DENND2B: variants seen among roughly 807,000 people sequenced by gnomAD.
DENND2B encodes DENN domain-containing protein 2B.
A neutral mutation model predicts 116.0 loss-of-function variants in DENND2B; 32 were observed. The ratio of observed to expected loss-of-function variants is 0.28; its 90% CI spans 0.21 to 0.37. The LOEUF (loss-of-function observed/expected upper bound fraction) is 0.37. Ranked by LOEUF, DENND2B falls within the 10% of genes least tolerant of loss-of-function variation. The pLI is 1.00. For synonymous variants in DENND2B, 588 were observed against 583.9 expected, an observed-to-expected ratio of 1.01 and a Z score of -0.10; for missense variants, 1,276 against 1,477.7, an observed-to-expected ratio of 0.86 and a Z score of 2.24.
At chr11:8,807,202 T>C (rs1191674950) in intron 1 of DENND2B, among the ~76,000 whole-genome samples, 1 of 152,214 alleles carries the variant, frequency 6.6e-6, no homozygotes, top group Non-Finnish European at 1.5e-5. Flanking sequence ...TGGGGACGTT[T>C]CCAGGGCAAT....
In DENND2B at chr11:8,841,504, T is replaced by C. The variant is rs534196537; in HGVS notation, c.-155-2154A>G. On this transcript the variant is annotated intron_variant, in intron 3 of 6. Coordinates refer to the DENND2B transcript ENST00000524757. Reference sequence around the variant, plus strand: ...AAAAATCTAAATATTTAAAAAACTATCCAGGCATGGTGGCACACACCTGTA... The same window carrying C: ...AAAAATCTAAATATTTAAAAAACTACCCAGGCATGGTGGCACACACCTGTA... Among the ~76,000 whole-genome samples, 51 of 152,106 alleles carry C rather than the reference T, an allele frequency of 3.4e-4. 1 individual carries two copies. Among genetic ancestry groups the C allele is most frequent in the African/African-American group, 9.9e-4 (41 of 41,510 alleles).
At position 8,846,309 on chromosome 11, in the gene DENND2B, G is replaced by T. The variant is rs1461611502; in HGVS notation, c.-155-6959C>A. 2.0e-5 allele frequency among the ~76,000 whole-genome samples: 3 copies of T among 152,188 alleles called. No individual in the cohort carries two copies. In the South Asian group the frequency reaches 6.2e-4, roughly 32 times the overall value. On this transcript the variant is annotated intron_variant, in intron 3 of 6. Transcript: ENST00000524757. ...GTATGAAGGAATAAATACTCAAGAA[G>T]CTGGTAAGGCTGGTGACATTGGAAG... is the stretch of plus-strand genomic sequence containing the variant.
chr11:8,743,753 CTT>C (rs1166521176), intron 2 of DENND2B, among the ~76,000 whole-genome samples: 1 of 144,280 alleles, frequency 6.9e-6, no homozygotes, highest in Non-Finnish European at 1.5e-5. Context: ...TTATCTCTTC[CTT>C]TTTTTTTTTT....
intron 7 of DENND2B, 144 bp from the exon 8 acceptor site, chr11:8,714,186 A>G: frequency 1.2e-6 from 1 of 817,508 alleles, no homozygotes; most frequent in South Asian, 1.5e-5. Flanking sequence ...ATCTGCAGGC[A>G]GGGAGCTGAG....
At chr11:8,903,528 T>A (rs1254722542) in intron 1 of DENND2B, among the ~76,000 whole-genome samples, 2 of 144,266 alleles carry the variant, frequency 1.4e-5, no homozygotes, top group African/African-American at 5.1e-5. Flanking sequence ...CATAATCAGA[T>A]CTTAAAGAAA....
rs541363841 is a variant in DENND2B, at chr11:8,736,001, C to T, written c.81-4792G>A. On this transcript the variant is annotated intron_variant, in intron 2 of 19. Coordinates refer to ENST00000313726, the MANE Select transcript of DENND2B (RefSeq NM_213618.2). ...TCCCCTGTTGGACAAGAGGAGACCA[C>T]GGCCAAGAGAAGGGCAGGGCCTGCC... 2.1e-3 allele frequency among the ~76,000 whole-genome samples: 321 copies of T among 152,296 alleles called. 2 individuals are homozygous for T. Among genetic ancestry groups the T allele is most frequent in the Non-Finnish European group, 3.1e-3 (208 of 68,018 alleles).
chr11:8,796,700 GT>G (rs1444764679), intron 1 of DENND2B, among the ~76,000 whole-genome samples: 1 of 151,772 alleles, frequency 6.6e-6, no homozygotes, highest in Non-Finnish European at 1.5e-5. Flanking sequence ...ACAAACACTA[GT>G]TTACTGACAA....
rs150492405 is a variant in DENND2B, at chr11:8,902,379, T to A, written c.-256+8442A>T. On this transcript the variant is annotated intron_variant, in intron 1 of 22. Transcript: ENST00000534127. ...GAAGTCCCCAACTACCACTGTTGAA[T>A]TGTCTATTTCTTGCTTGAATTTTGT... is the stretch of plus-strand genomic sequence containing the variant. Among the ~76,000 whole-genome samples, 3 of 152,180 alleles carry A rather than the reference T, an allele frequency of 2.0e-5. No homozygotes were observed. In the Middle Eastern group the frequency reaches 0.01, roughly 518 times the overall value.
At chr11:8,891,415 T>C (rs1052823796) in intron 1 of DENND2B, among the ~76,000 whole-genome samples, 1 of 152,208 alleles carries the variant, frequency 6.6e-6, no homozygotes, top group African/African-American at 2.4e-5. Context: ...GTAAATGGGC[T>C]AAATGTGCCA....
chr11:8,824,132 G>A (rs187121114), intron 4 of DENND2B, among the ~76,000 whole-genome samples: 237 of 151,934 alleles, frequency 1.6e-3, no homozygotes, highest in African/African-American at 5.2e-3. Flanking sequence ...TCGATCTCCT[G>A]ACCTTGTGAT....
At chr11:8,837,320 C>T (rs180890287) in intron 4 of DENND2B, among the ~76,000 whole-genome samples, 79 of 150,396 alleles carry the variant, frequency 5.3e-4, no homozygotes, top group African/African-American at 1.9e-3. Flanking sequence ...CTCTCAGGAA[C>T]ACCAAGAGGA....
Position 8,729,993 on chromosome 11 carries a change from T to G in DENND2B, c.1297A>C (p.Arg433=), listed in dbSNP as rs1315064059. ...PSTPAPPVTR[R]PKKDMRGHRK... is the part of the protein sequence containing the mutation. ...TGACCACGCATGTCCTTCTTGGGTC[T>G]CCGGGTGACTGGCGGGGCTGGGGTG... Residue 433 remains arginine, a synonymous_variant, in exon 3 of 20, where the codon AGA becomes CGA. Transcript: ENST00000313726. 1 of 1,613,946 alleles carries G rather than the reference T, an allele frequency of 6.2e-7. No individual in the cohort carries two copies. The highest frequency in any genetic ancestry group is 8.5e-7 in the Non-Finnish European group (1 of 1,180,020).
upstream of DENND2B, among the ~76,000 whole-genome samples, chr11:8,814,430 T>C (rs2061500034): frequency 6.6e-6 from 1 of 152,144 alleles, no homozygotes. Flanking sequence ...TGCCCTTCCC[T>C]GTCTGTGCAT....
chr11:8,794,210 T>C (rs978319833), intron 1 of DENND2B, among the ~76,000 whole-genome samples: 8 of 152,210 alleles, frequency 5.3e-5, no homozygotes, highest in Admixed American at 2.6e-4. Context: ...AAACACAGTT[T>C]CAGTGTTACA....
At chr11:8,892,092 C>G (rs1442684408) in intron 1 of DENND2B, among the ~76,000 whole-genome samples, 1 of 152,180 alleles carries the variant, frequency 6.6e-6, no homozygotes, top group African/African-American at 2.4e-5. Context: ...GAAACTCACT[C>G]AAAACTGTTC....
chr11:8,910,261 C>T (rs1375195880), intron 1 of DENND2B, among the ~76,000 whole-genome samples: 1 of 151,412 alleles, frequency 6.6e-6, no homozygotes, highest in Non-Finnish European at 1.5e-5. Context: ...GCCTCAATCC[C>T]GAGCTGTTCC....
At chr11:8,713,634 C>T (rs909747717) in intron 8 of DENND2B, among the ~76,000 whole-genome samples, 10 of 152,164 alleles carry the variant, frequency 6.6e-5, no homozygotes, top group Non-Finnish European at 2.9e-5. Flanking sequence ...CCCGCCTTGG[C>T]CTCCCAAAGT....
intron 2 of DENND2B, among the ~76,000 whole-genome samples, chr11:8,869,802 T>C (rs1343139352): frequency 6.6e-6 from 1 of 152,234 alleles, no homozygotes; most frequent in Non-Finnish European, 1.5e-5. Context: ...CAACAGGCTC[T>C]TCTTGAGTTC....
At chr11:8,770,030 A>C (rs1472972864) in intron 1 of DENND2B, among the ~76,000 whole-genome samples, 1 of 152,130 alleles carries the variant, frequency 6.6e-6, no homozygotes, top group Non-Finnish European at 1.5e-5. Context: ...CAGCAGCTCA[A>C]ATCCTGGCAT....
Sources: gnomAD v4.1 joint callset for allele counts (sites outside exome capture counted in the v4.1 genomes callset) on GRCh38, gnomAD v4.1.1 for gene constraint, MANE v1.5 for transcripts, NCBI Gene and HGNC (gene_info 2026-07-23, HGNC 2026-07-21) for gene names.